Variants in SLC2A12 observed in about 807,000 individuals in gnomAD.
SLC2A12 encodes solute carrier family 2, facilitated glucose transporter member 12.
Under a neutral mutation model 41.8 loss-of-function variants are expected in SLC2A12, and 23 were observed. The ratio of observed to expected loss-of-function variants is 0.55; its 90% CI spans 0.40 to 0.78. SLC2A12 has a LOEUF of 0.78. SLC2A12 is among the 30% of genes least tolerant of loss of function. The pLI, the probability that SLC2A12 is intolerant of heterozygous loss-of-function variation, is 0.00. For missense variants in SLC2A12, 654 were observed against 745.6 expected, an observed-to-expected ratio of 0.88 and a Z score of 1.43; for synonymous variants, 295 against 285.9, an observed-to-expected ratio of 1.03 and a Z score of -0.32.
chr6:134,028,046 A>G (rs1323605009), intron 2 of SLC2A12, among the ~76,000 whole-genome samples: 1 of 152,210 alleles, frequency 6.6e-6, no homozygotes, highest in Non-Finnish European at 1.5e-5. Context: ...GATATAGAGG[A>G]AAATGTTACC....
At chr6:134,015,475 GAAAT>G (rs1398243934) in intron 2 of SLC2A12, among the ~76,000 whole-genome samples, 1 of 152,082 alleles carries the variant, frequency 6.6e-6, no homozygotes, top group Non-Finnish European at 1.5e-5. Flanking sequence ...TTAAAAGTTG[GAAAT>G]AAATATATAT....
intron 1 of SLC2A12, among the ~76,000 whole-genome samples, chr6:134,046,751 C>T (rs905291352): frequency 5.9e-5 from 9 of 152,044 alleles, no homozygotes; most frequent in South Asian, 2.1e-4. Context: ...GTGGAGGTTG[C>T]GGTGAGCTGA....
In SLC2A12 at chr6:134,029,398, A is replaced by G; in HGVS notation, c.427T>C (p.Ser143Pro). 6.2e-7 allele frequency: 1 copy of G among 1,614,218 alleles called. No individual in the cohort carries two copies. The highest frequency in any genetic ancestry group is 8.5e-7 in the Non-Finnish European group (1 of 1,180,040). Residue 143 changes from serine (S) to proline (P), a missense_variant, in exon 2 of 5, where the codon TCC becomes CCC. By Grantham distance (74) the Ser-to-Pro change is moderately conservative. Coordinates refer to ENST00000275230, the MANE Select transcript of SLC2A12 (RefSeq NM_145176.3). ...GTGGCAATGGAAGAGAGGGAGATGG[A>G]GACCCCTATGGCAATGCGTCCCACT... ...LIVGRIAIGVSISLSSIATCV... is the reference protein window; with the variant it reads ...LIVGRIAIGVPISLSSIATCV...
At chr6:134,052,152 G>T (rs1193489921) in intron 1 of SLC2A12, among the ~76,000 whole-genome samples, 3 of 151,648 alleles carry the variant, frequency 2.0e-5, no homozygotes, top group Non-Finnish European at 4.4e-5. Context: ...CCAAGACTTC[G>T]ATCTTCACAA....
At chr6:134,032,794 A>ATATG (rs1777238931) in intron 1 of SLC2A12, among the ~76,000 whole-genome samples, 1 of 142,770 alleles carries the variant, frequency 7.0e-6, no homozygotes. Flanking sequence ...TATATATATT[A>ATATG]TATATATATA....
intron 1 of SLC2A12, among the ~76,000 whole-genome samples, chr6:134,041,381 G>A (rs1482593402): frequency 6.6e-6 from 1 of 152,136 alleles, no homozygotes; most frequent in African/African-American, 2.4e-5. Flanking sequence ...TGCTTTGGGA[G>A]GCAAGGCAGG....
At chr6:133,999,844 G>A (rs1386194055) in intron 4 of SLC2A12, among the ~76,000 whole-genome samples, 1 of 152,188 alleles carries the variant, frequency 6.6e-6, no homozygotes, top group African/African-American at 2.4e-5. Flanking sequence ...TGTGAAACAG[G>A]CATAAGGAAG....
intron 2 of SLC2A12, among the ~76,000 whole-genome samples, chr6:134,020,716 T>C (rs1777029266): frequency 6.6e-6 from 1 of 152,256 alleles, no homozygotes; most frequent in Non-Finnish European, 1.5e-5. Context: ...TTTGGATTCC[T>C]GCCTCTGACA....
chr6:133,990,998 A>AG lies in SLC2A12; in HGVS notation c.*156dup. On this transcript the variant is annotated 3_prime_UTR_variant, in exon 5 of 5. Coordinates refer to ENST00000275230, the MANE Select transcript of SLC2A12 (RefSeq NM_145176.3). ...CCTTTTGAGGTTCCTTCTGGGGAGGAGGGGGATTAAAGGCTGTCTTTATCA... is the reference window on the plus strand; with the variant it reads ...CCTTTTGAGGTTCCTTCTGGGGAGGAGGGGGGATTAAAGGCTGTCTTTATCA... The AG allele has an allele frequency of 3.9e-6, 3 of 777,930 alleles. No homozygotes were observed. Among genetic ancestry groups the AG allele is most frequent in the Non-Finnish European group, 5.9e-6 (3 of 512,130 alleles). 48.2% of individuals were successfully genotyped at this position (777,930 alleles called of 1,614,324 possible).
At chr6:134,052,247 G>GCAGACACA in intron 1 of SLC2A12, 131 bp downstream of exon 1, 1 of 270,242 alleles carries the variant, frequency 3.7e-6, no homozygotes, top group Non-Finnish European at 5.9e-6. Flanking sequence ...GCGCGCGCGC[G>GCAGACACA]CATACACACA....
At chr6:133,992,855 A>T (rs1776641221) in intron 4 of SLC2A12, among the ~76,000 whole-genome samples, 1 of 152,120 alleles carries the variant, frequency 6.6e-6, no homozygotes, top group African/African-American at 2.4e-5. Context: ...TGAAGCAGTG[A>T]TTGGAAATGA....
chr6:134,007,063 T>C lies in SLC2A12; in HGVS notation c.1445-129A>G. On this transcript the variant is annotated intron_variant, in intron 2 of 4. Transcript: ENST00000275230. ...TTTGTGGTTGGGAAGCACCATTTCC[T>C]ACCTCAGCAGAACAGGACAGTAAAG... 3.1e-6 allele frequency: 4 copies of C among 1,308,332 alleles called. No individual in the cohort carries two copies. In the South Asian group the frequency reaches 5.7e-5, roughly 19 times the overall value. 81.0% of individuals were successfully genotyped at this position (1,308,332 alleles called of 1,614,324 possible).
At chr6:134,042,467 A>G (rs1777395617) in intron 1 of SLC2A12, among the ~76,000 whole-genome samples, 1 of 152,028 alleles carries the variant, frequency 6.6e-6, no homozygotes, top group Non-Finnish European at 1.5e-5. Context: ...TATCGAATAC[A>G]AAGGAGGGAT....
At chr6:134,031,878 G>A (rs757870285) in intron 1 of SLC2A12, among the ~76,000 whole-genome samples, 2 of 152,114 alleles carry the variant, frequency 1.3e-5, no homozygotes, top group Non-Finnish European at 2.9e-5. Context: ...AGATCACTTA[G>A]GAAGATAAAA....
chr6:134,025,394 A>C (rs1034864265), intron 2 of SLC2A12, among the ~76,000 whole-genome samples: 3 of 152,234 alleles, frequency 2.0e-5, no homozygotes, highest in Non-Finnish European at 4.4e-5. Context: ...TTTGAAGGTA[A>C]AATGAAGTAC....
chr6:134,005,638 C>T (rs1267324343), intron 3 of SLC2A12, among the ~76,000 whole-genome samples: 4 of 114,380 alleles, frequency 3.5e-5, no homozygotes. Flanking sequence ...CCAGCCTGGG[C>T]AAGAGAGTGA....
intron 2 of SLC2A12, among the ~76,000 whole-genome samples, chr6:134,014,350 A>G (rs961956532): frequency 6.6e-6 from 1 of 152,158 alleles, no homozygotes; most frequent in East Asian, 1.9e-4. Context: ...CTAACAGGCC[A>G]CAGACCTGTA....
chr6:134,018,909 C>G (rs1777003965), intron 2 of SLC2A12, among the ~76,000 whole-genome samples: 1 of 152,200 alleles, frequency 6.6e-6, no homozygotes, highest in African/African-American at 2.4e-5. Context: ...TCTCTATCTT[C>G]TCCTCTTCCT....
At chr6:134,022,593 GA>G (rs1283980371) in intron 2 of SLC2A12, among the ~76,000 whole-genome samples, 2 of 132,652 alleles carry the variant, frequency 1.5e-5, no homozygotes, top group East Asian at 4.5e-4. Context: ...GAAAAGAAAA[GA>G]AAAATGTTGC....
Sources: allele counts gnomAD v4.1 joint callset (sites outside exome capture counted in the v4.1 genomes callset), GRCh38; gene constraint gnomAD v4.1.1; transcripts MANE v1.5; gene names NCBI Gene and HGNC (gene_info 2026-07-23, HGNC 2026-07-21).